Variants in CUL5 observed in about 807,000 individuals in gnomAD.
CUL5 encodes cullin-5.
CUL5 carries 26 observed loss-of-function variants against 108.8 expected under a neutral mutation model. That is an observed-to-expected ratio of 0.24 (90% CI 0.18 to 0.33). CUL5 has a LOEUF of 0.33. Among genes scored for constraint, CUL5 ranks in the 10% least tolerant of loss-of-function variants. The pLI is 1.00. For missense variants in CUL5, 524 were observed against 909.2 expected, an observed-to-expected ratio of 0.58 and a Z score of 5.45; for synonymous variants, 334 against 298.0, an observed-to-expected ratio of 1.12 and a Z score of -1.25.
At chr11:108,045,768 G>A (rs753998146) in intron 2 of CUL5, among the ~76,000 whole-genome samples, 1 of 152,174 alleles carries the variant, frequency 6.6e-6, no homozygotes, top group Non-Finnish European at 1.5e-5. Context: ...GCTGAGGAGG[G>A]AGGATCGCCT....
chr11:108,028,240 A>G (rs183021085), intron 1 of CUL5, among the ~76,000 whole-genome samples: 1 of 152,364 alleles, frequency 6.6e-6, no homozygotes, highest in African/African-American at 2.4e-5. Context: ...GCTTTCCTTA[A>G]TAAGCCTGTC....
chr11:108,100,831 C>A (rs1264629734), intron 18 of CUL5, among the ~76,000 whole-genome samples: 1 of 152,104 alleles, frequency 6.6e-6, no homozygotes, highest in Non-Finnish European at 1.5e-5. Context: ...GAGATCGAGA[C>A]CATCCTGGCC....
chr11:108,030,712 A>G (rs1194441165), intron 1 of CUL5, among the ~76,000 whole-genome samples: 1 of 152,228 alleles, frequency 6.6e-6, no homozygotes, highest in Non-Finnish European at 1.5e-5. Flanking sequence ...AACTTTTAGG[A>G]TGAACTATGT....
At chr11:108,071,315 C>T (rs894459220) in intron 8 of CUL5, among the ~76,000 whole-genome samples, 8 of 152,092 alleles carry the variant, frequency 5.3e-5, no homozygotes, top group Non-Finnish European at 7.4e-5. Context: ...ACCTGGAATT[C>T]GATGGCACGA....
chr11:108,083,548 T>C (rs1023000110), intron 11 of CUL5, among the ~76,000 whole-genome samples: 1 of 152,216 alleles, frequency 6.6e-6, no homozygotes, highest in Admixed American at 6.5e-5. Context: ...CTCAGCACTT[T>C]GGTAAGCCAA....
chr11:108,047,161 TAAA>T (rs1367943471), intron 3 of CUL5, among the ~76,000 whole-genome samples: 1 of 151,714 alleles, frequency 6.6e-6, no homozygotes, highest in Non-Finnish European at 1.5e-5. Flanking sequence ...CTATACAAAA[TAAA>T]AAATTACCCA....
At position 108,009,423 on chromosome 11, in the gene CUL5, C is replaced by G. The variant is rs762942121; in HGVS notation, c.24+51C>G. On this transcript the variant is annotated intron_variant, in intron 1 of 18. Transcript: ENST00000393094. Reference sequence around the variant, plus strand: ...TTTACTGTGTGGCCGCCGGGTTCGGCTCTTTGGGAAAGGCACGGCTCAGGT... The same window carrying G: ...TTTACTGTGTGGCCGCCGGGTTCGGGTCTTTGGGAAAGGCACGGCTCAGGT... The G allele has an allele frequency of 3.1e-6, 5 of 1,603,462 alleles. No individual in the cohort carries two copies. The South Asian group carries it at 5.5e-5, about 18-fold the overall frequency.
At chr11:108,096,062 C>T (rs1864483875) in intron 16 of CUL5, among the ~76,000 whole-genome samples, 1 of 150,476 alleles carries the variant, frequency 6.6e-6, no homozygotes, top group East Asian at 1.9e-4. Flanking sequence ...CGCCACTACA[C>T]TCCAGCCCAG....
intron 10 of CUL5, among the ~76,000 whole-genome samples, chr11:108,074,970 A>G (rs1274041514): frequency 3.9e-5 from 6 of 152,146 alleles, no homozygotes; most frequent in African/African-American, 1.4e-4. Flanking sequence ...GGAAGGAGTT[A>G]GTTTTTACTG....
At chr11:108,076,971 A>G (rs1315661493) in intron 10 of CUL5, among the ~76,000 whole-genome samples, 1 of 152,246 alleles carries the variant, frequency 6.6e-6, no homozygotes, top group Non-Finnish European at 1.5e-5. Context: ...AATATCTGTT[A>G]AACATCCATA....
At chr11:108,084,751 G>A (rs1037258823) in intron 11 of CUL5, among the ~76,000 whole-genome samples, 1 of 152,188 alleles carries the variant, frequency 6.6e-6, no homozygotes, top group African/African-American at 2.4e-5. Context: ...AAGATTAATA[G>A]CTTAACCACA....
chr11:108,074,152 C>T (rs576440878), intron 10 of CUL5: 1 of 151,110 alleles, frequency 6.6e-6, no homozygotes, highest in African/African-American at 2.4e-5. Flanking sequence ...TCTCCATTCT[C>T]CAGTAGGATT....
chr11:108,061,113 A>T (rs1013787028), intron 7 of CUL5, among the ~76,000 whole-genome samples: 1 of 152,230 alleles, frequency 6.6e-6, no homozygotes, highest in Non-Finnish European at 1.5e-5. Flanking sequence ...TTGATGGCAT[A>T]TGGCAAAAAG....
chr11:108,088,711 G>A (rs1864282015), intron 12 of CUL5, 52 bp downstream of exon 12: 3 of 1,437,872 alleles, frequency 2.1e-6, no homozygotes, highest in East Asian at 4.8e-5. Context: ...CTTTGAATTT[G>A]TGTTTTGCTT....
chr11:108,018,256 G>A (rs1862249452), intron 1 of CUL5, among the ~76,000 whole-genome samples: 1 of 152,320 alleles, frequency 6.6e-6, no homozygotes, highest in Non-Finnish European at 1.5e-5. Context: ...TTAAAAGGTT[G>A]CTGTGGCTGG....
intron 18 of CUL5, among the ~76,000 whole-genome samples, chr11:108,099,045 C>T (rs1421563139): frequency 7.7e-6 from 1 of 129,162 alleles, no homozygotes; most frequent in East Asian, 2.3e-4. Flanking sequence ...CACTTTGTTG[C>T]CCAGGCTAGA....
At chr11:108,069,708 CT>C (rs1299032878) in intron 7 of CUL5, among the ~76,000 whole-genome samples, 1 of 152,158 alleles carries the variant, frequency 6.6e-6, no homozygotes, top group African/African-American at 2.4e-5. Context: ...TCCTTAGTGC[CT>C]GCACGTAGTA....
At chr11:108,063,676 T>G (rs924752154) in intron 7 of CUL5, among the ~76,000 whole-genome samples, 1 of 114,304 alleles carries the variant, frequency 8.7e-6, no homozygotes, top group Non-Finnish European at 2.0e-5. Context: ...AAATAAATAG[T>G]GCTGCAGTAA....
intron 1 of CUL5, among the ~76,000 whole-genome samples, chr11:108,013,985 G>A (rs1172811163): frequency 6.6e-6 from 1 of 152,190 alleles, no homozygotes; most frequent in Non-Finnish European, 1.5e-5. Flanking sequence ...AGAATGCAAA[G>A]ATATGTAGAA....
Sources: allele counts gnomAD v4.1 joint callset (sites outside exome capture counted in the v4.1 genomes callset), GRCh38; gene constraint gnomAD v4.1.1; transcripts MANE v1.5; gene names NCBI Gene and HGNC (gene_info 2026-07-23, HGNC 2026-07-21).